Variants in UBASH3B observed in about 807,000 individuals in gnomAD.
UBASH3B encodes the protein ubiquitin-associated and SH3 domain-containing protein B.
A neutral mutation model predicts 83.4 loss-of-function variants in UBASH3B; 37 were observed. The ratio of observed to expected loss-of-function variants is 0.44; its 90% CI spans 0.34 to 0.58. UBASH3B has a LOEUF of 0.58. Among genes scored for constraint, UBASH3B ranks in the 20% least tolerant of loss-of-function variants. The pLI is 0.01. For synonymous variants in UBASH3B, 304 were observed against 318.3 expected (o/e 0.96, Z 0.48); for missense variants, 657 against 827.2 (o/e 0.79, Z 2.52).
chr11:122,663,196 C>T (rs1565520890), intron 1 of UBASH3B, among the ~76,000 whole-genome samples: 1 of 152,114 alleles, frequency 6.6e-6, no homozygotes, highest in Non-Finnish European at 1.5e-5. Context: ...AGGCTAGTCT[C>T]GAATTCCTGA....
intron 6 of UBASH3B, among the ~76,000 whole-genome samples, chr11:122,790,666 GC>G (rs1861037764): frequency 6.6e-6 from 1 of 152,156 alleles, no homozygotes; most frequent in Non-Finnish European, 1.5e-5. Context: ...TGGGTGTATG[GC>G]CAGGTGCGGT....
intron 1 of UBASH3B, among the ~76,000 whole-genome samples, chr11:122,753,460 AAAG>A (rs556818164): frequency 6.6e-6 from 1 of 151,368 alleles, no homozygotes; most frequent in African/African-American, 2.4e-5. Context: ...CAAAAAAAGA[AAAG>A]AAAAATCCCT....
intron 1 of UBASH3B, among the ~76,000 whole-genome samples, chr11:122,751,109 G>A (rs1283415402): frequency 6.6e-5 from 4 of 60,740 alleles, no homozygotes; most frequent in South Asian, 4.6e-4. Flanking sequence ...TACGCTTCCC[G>A]GCCTCTCATG....
chr11:122,788,442 G>A (rs1462282595), intron 5 of UBASH3B, among the ~76,000 whole-genome samples: 6 of 152,020 alleles, frequency 3.9e-5, no homozygotes, highest in African/African-American at 7.3e-5. Flanking sequence ...GGTGGCGGCC[G>A]CCTGAAATCC....
At chr11:122,795,323 C>A (rs1861136371) in intron 7 of UBASH3B, among the ~76,000 whole-genome samples, 1 of 152,012 alleles carries the variant, frequency 6.6e-6, no homozygotes, top group Non-Finnish European at 1.5e-5. Context: ...AGAGAGTAAC[C>A]ATTGTGGCTG....
At chr11:122,735,396 C>T (rs1469225976) in intron 1 of UBASH3B, among the ~76,000 whole-genome samples, 2 of 152,170 alleles carry the variant, frequency 1.3e-5, no homozygotes, top group Non-Finnish European at 2.9e-5. Flanking sequence ...GCTAAATACA[C>T]ACTCTTCTAG....
intron 11 of UBASH3B, among the ~76,000 whole-genome samples, chr11:122,805,310 A>G (rs1861320072): frequency 6.6e-6 from 1 of 152,180 alleles, no homozygotes; most frequent in Admixed American, 6.5e-5. Flanking sequence ...TGGGCGGATC[A>G]TCTGAGGTCA....
chr11:122,677,025 C>T (rs112238560), intron 1 of UBASH3B, among the ~76,000 whole-genome samples: 1 of 152,238 alleles, frequency 6.6e-6, no homozygotes, highest in African/African-American at 2.4e-5. Flanking sequence ...CCCTCCATGT[C>T]CATAGGTTTT....
intron 1 of UBASH3B, among the ~76,000 whole-genome samples, chr11:122,672,422 C>T (rs11607586): frequency 0.24 from 35,925 of 151,758 alleles, 4,439 homozygotes; most frequent in Middle Eastern, 0.27. Flanking sequence ...CGGATTCAAG[C>T]GATTCTTCTG....
chr11:122,772,300 C>T (rs1365543611), intron 1 of UBASH3B, among the ~76,000 whole-genome samples: 2 of 152,194 alleles, frequency 1.3e-5, no homozygotes, highest in Non-Finnish European at 2.9e-5. Context: ...TTGTATCTGA[C>T]TCTCTGAGGC....
intron 1 of UBASH3B, among the ~76,000 whole-genome samples, chr11:122,729,911 C>T (rs1017411884): frequency 7.1e-5 from 9 of 126,074 alleles, no homozygotes; most frequent in South Asian, 2.7e-4. Flanking sequence ...CATGGGAGTT[C>T]GAGGCTGCAG....
intron 1 of UBASH3B, among the ~76,000 whole-genome samples, chr11:122,723,652 G>T (rs1018231167): frequency 6.6e-6 from 1 of 152,226 alleles, no homozygotes; most frequent in Non-Finnish European, 1.5e-5. Flanking sequence ...GCAGGCCCAA[G>T]GGATGTTTCA....
intron 1 of UBASH3B, among the ~76,000 whole-genome samples, chr11:122,710,987 T>C (rs1591780576): frequency 1.3e-5 from 2 of 152,224 alleles, no homozygotes; most frequent in African/African-American, 4.8e-5. Context: ...ACATTGGTCT[T>C]GACTCTTGTT....
At position 122,812,648 on chromosome 11, in the gene UBASH3B, G is replaced by A. The variant is rs1861470754; in HGVS notation, c.*2762G>A. 1 of 152,192 alleles carries A rather than the reference G, an allele frequency of 6.6e-6. No individual in the cohort carries two copies. The highest frequency in any genetic ancestry group is 2.1e-4 in the South Asian group (1 of 4,830). The allele number at this position is 152,192 out of a possible 1,614,324, so 9.4% of individuals were successfully genotyped here. ...CTAGGTGAAATGAAATTAACTAAAG[G>A]TTTTAATCTGGGATTGAAAGCCTGA... On this transcript the variant is annotated 3_prime_UTR_variant, in exon 14 of 14. Coordinates refer to ENST00000284273, the MANE Select transcript of UBASH3B (RefSeq NM_032873.5).
chr11:122,774,338 G>GC, intron 1 of UBASH3B: 1 of 978,576 alleles, frequency 1.0e-6, no homozygotes, highest in Non-Finnish European at 1.2e-6. Context: ...TTTGGTATCT[G>GC]TGCGCAGACT....
Position 122,655,727 on chromosome 11 carries a change from A to C in UBASH3B, c.-323A>C. 3.6e-6 allele frequency: 1 copy of C among 277,622 alleles called. No homozygotes were observed. Among genetic ancestry groups the C allele is most frequent in the East Asian group, 6.5e-5 (1 of 15,432 alleles). The allele number at this position is 277,622 out of a possible 1,614,324, so 17.2% of individuals were successfully genotyped here. On this transcript the variant is annotated 5_prime_UTR_variant, in exon 1 of 14. Transcript: ENST00000284273. ...GATCCATTCAAAAATTACTCATTGC[A>C]AATTCCCGGACTGCTAGGCGAGGAG...
At chr11:122,663,847 T>C (rs1470641028) in intron 1 of UBASH3B, among the ~76,000 whole-genome samples, 3 of 152,194 alleles carry the variant, frequency 2.0e-5, no homozygotes, top group Non-Finnish European at 1.5e-5. Flanking sequence ...ATGCTAAGCC[T>C]CAATTTTCCT....
rs1863351982 is a variant in UBASH3B, at chr11:122,655,933, C to T, written c.-117C>T. On this transcript the variant is annotated 5_prime_UTR_variant, in exon 1 of 14. Coordinates refer to ENST00000284273, the MANE Select transcript of UBASH3B (RefSeq NM_032873.5). ...CTCGGAGCGCCGCCTCCGCTGCCGC[C>T]GCCTCCTGCCTGGCTCTGGGTCCCC... is the stretch of plus-strand genomic sequence containing the variant. The T allele has an allele frequency of 2.6e-6, 3 of 1,137,960 alleles. No individual in the cohort carries two copies. In the South Asian group the frequency reaches 5.8e-5, roughly 22 times the overall value. 70.5% of individuals were successfully genotyped at this position (1,137,960 alleles called of 1,614,324 possible).
At chr11:122,686,347 C>T (rs983709505) in intron 1 of UBASH3B, among the ~76,000 whole-genome samples, 4 of 152,120 alleles carry the variant, frequency 2.6e-5, no homozygotes, top group East Asian at 1.9e-4. Context: ...CACGCATGGT[C>T]GAGCGTGAGA....
Sources: gnomAD v4.1 joint callset for allele counts (sites outside exome capture counted in the v4.1 genomes callset) on GRCh38, gnomAD v4.1.1 for gene constraint, MANE v1.5 for transcripts, NCBI Gene and HGNC (gene_info 2026-07-23, HGNC 2026-07-21) for gene names.